The following PRKG1 variants were observed in gnomAD, a reference collection of about 807,000 sequenced individuals.
PRKG1 encodes protein kinase cGMP-dependent 1.
PRKG1 carries 35 observed loss-of-function variants against 88.1 expected under a neutral mutation model. The observed-to-expected ratio is 0.40, with a 90% confidence interval of 0.30 to 0.53. The LOEUF is 0.53. Ranked by LOEUF, PRKG1 falls within the 20% of genes least tolerant of loss-of-function variation. The pLI, the probability that PRKG1 is intolerant of heterozygous loss-of-function variation, is 0.59. For missense variants in PRKG1, 540 were observed against 839.8 expected, an observed-to-expected ratio of 0.64 and a Z score of 4.41; for synonymous variants, 303 against 292.5, an observed-to-expected ratio of 1.04 and a Z score of -0.37.
intron 5 of PRKG1, among the ~76,000 whole-genome samples, chr10:51,935,662 C>T (rs907956318): frequency 1.1e-4 from 16 of 152,036 alleles, no homozygotes; most frequent in African/African-American, 3.6e-4. Context: ...TAATATGTGT[C>T]CTCTCTTGGG....
At chr10:51,669,688 C>A (rs749721698) in intron 3 of PRKG1, among the ~76,000 whole-genome samples, 2 of 152,102 alleles carry the variant, frequency 1.3e-5, no homozygotes, top group Non-Finnish European at 2.9e-5. Context: ...ATCTATTTTG[C>A]CCCCAGTTAA....
intron 1 of PRKG1, among the ~76,000 whole-genome samples, chr10:51,144,728 A>C (rs1039661921): frequency 1.3e-5 from 2 of 152,158 alleles, no homozygotes; most frequent in African/African-American, 4.8e-5. Flanking sequence ...ACGCAAAACA[A>C]TGGTTGGAGG....
At chr10:52,061,892 G>A (rs780710676) in intron 6 of PRKG1, among the ~76,000 whole-genome samples, 8 of 152,064 alleles carry the variant, frequency 5.3e-5, no homozygotes, top group African/African-American at 9.7e-5. Context: ...CAGGGAAAGG[G>A]ACAGGCGTAT....
rs191719440 is a variant in PRKG1, at chr10:51,864,682, G to A, written c.699-42825G>A. Among the ~76,000 whole-genome samples, 85 of 152,168 alleles carry A rather than the reference G, an allele frequency of 5.6e-4. 1 individual carries two copies. The South Asian group carries it at 9.7e-3, about 17-fold the overall frequency. The stretch of plus-strand genomic sequence containing the variant: ...AGTAGGTTGGGTATTATGACATGTT[G>A]GTGTCTGAACAGAAAGTTTATATTT... On this transcript the variant is annotated intron_variant, in intron 4 of 17. Coordinates refer to ENST00000373980, the MANE Select transcript of PRKG1 (RefSeq NM_006258.4).
chr10:51,103,010 C>A (rs1013271654), intron 1 of PRKG1, among the ~76,000 whole-genome samples: 8 of 151,864 alleles, frequency 5.3e-5, no homozygotes, highest in African/African-American at 1.9e-4. Flanking sequence ...GAAAAACTGG[C>A]AGAGCACAAA....
At chr10:51,997,201 G>A (rs1339187642) in intron 5 of PRKG1, among the ~76,000 whole-genome samples, 2 of 151,954 alleles carry the variant, frequency 1.3e-5, no homozygotes, top group South Asian at 2.1e-4. Flanking sequence ...AGCTGGGCGC[G>A]GTGGCTCACA....
intron 2 of PRKG1, among the ~76,000 whole-genome samples, chr10:51,269,562 C>T (rs1839924126): frequency 6.6e-6 from 1 of 152,114 alleles, no homozygotes; most frequent in South Asian, 2.1e-4. Context: ...ATGGCATTTG[C>T]AGCAACTTGG....
chr10:51,397,083 T>A (rs546104656), intron 2 of PRKG1, among the ~76,000 whole-genome samples: 2 of 152,178 alleles, frequency 1.3e-5, no homozygotes, highest in East Asian at 1.9e-4. Context: ...CTGTTTTGAT[T>A]TTTTTTAAAT....
intron 2 of PRKG1, among the ~76,000 whole-genome samples, chr10:51,272,798 G>C (rs1840015912): frequency 6.6e-6 from 1 of 152,060 alleles, no homozygotes; most frequent in Non-Finnish European, 1.5e-5. Context: ...GTCTCCCTGG[G>C]GAATCTCCTC....
intron 2 of PRKG1, among the ~76,000 whole-genome samples, chr10:51,380,169 C>G (rs1046256405): frequency 6.6e-6 from 1 of 152,140 alleles, no homozygotes; most frequent in Non-Finnish European, 1.5e-5. Flanking sequence ...GCATTGACCT[C>G]TATTTACAGA....
At chr10:51,428,840 A>G (rs1367457572) in intron 2 of PRKG1, among the ~76,000 whole-genome samples, 4 of 152,222 alleles carry the variant, frequency 2.6e-5, no homozygotes, top group Non-Finnish European at 5.9e-5. Context: ...GCCTGACAGC[A>G]TGGTCCTGGT....
intron 9 of PRKG1, among the ~76,000 whole-genome samples, chr10:52,236,494 G>A (rs1396697979): frequency 1.6e-3 from 78 of 48,680 alleles, no homozygotes; most frequent in African/African-American, 7.9e-3. Context: ...TATCACCACC[G>A]ATCCCACAGA....
At position 51,758,132 on chromosome 10, in the gene PRKG1, GA is replaced by G. The variant is rs35693168; in HGVS notation, c.593-46444del. ...AGCCTAGGATGTAGGAAACAGTCTAGAAAAAAAAATTTAAACTATGTGCTTA... is the reference window on the plus strand; with the variant it reads ...AGCCTAGGATGTAGGAAACAGTCTAGAAAAAAAATTTAAACTATGTGCTTA... On this transcript the variant is annotated intron_variant, in intron 3 of 17. Coordinates refer to ENST00000373980, the MANE Select transcript of PRKG1 (RefSeq NM_006258.4). 2.7e-3 allele frequency among the ~76,000 whole-genome samples: 402 copies of G among 151,684 alleles called. 2 individuals are homozygous for G. Among genetic ancestry groups the G allele is most frequent in the Middle Eastern group, 6.8e-3 (2 of 294 alleles).
chr10:51,781,359 T>C (rs1838584191), intron 3 of PRKG1, among the ~76,000 whole-genome samples: 1 of 152,134 alleles, frequency 6.6e-6, no homozygotes, highest in Admixed American at 6.6e-5. Context: ...TTTCGTGTTA[T>C]GTTGTCATTT....
intron 5 of PRKG1, among the ~76,000 whole-genome samples, chr10:51,926,847 T>G (rs11000162): frequency 0.065 from 7,937 of 122,948 alleles, 369 homozygotes; most frequent in African/African-American, 0.16. Flanking sequence ...TCAGCAATTC[T>G]GCCATACCTT....
At chr10:51,277,217 C>G (rs929691596) in intron 2 of PRKG1, among the ~76,000 whole-genome samples, 2 of 152,010 alleles carry the variant, frequency 1.3e-5, no homozygotes, top group Admixed American at 6.6e-5. Context: ...ATTAAATAGG[C>G]AATCCTTTCC....
chr10:51,605,416 C>A (rs560811757), intron 3 of PRKG1, among the ~76,000 whole-genome samples: 2 of 152,300 alleles, frequency 1.3e-5, no homozygotes, highest in East Asian at 3.9e-4. Context: ...ATCACTGTTA[C>A]ACACCTTACA....
At chr10:51,148,916 C>T (rs998055803) in intron 1 of PRKG1, among the ~76,000 whole-genome samples, 1 of 151,734 alleles carries the variant, frequency 6.6e-6, no homozygotes, top group Admixed American at 6.6e-5. Flanking sequence ...TTTTATAGTC[C>T]TTCACTGGTG....
At chr10:52,173,440 T>A (rs1275579245) in intron 9 of PRKG1, among the ~76,000 whole-genome samples, 1 of 152,192 alleles carries the variant, frequency 6.6e-6, no homozygotes, top group East Asian at 1.9e-4. Flanking sequence ...TATACTAATA[T>A]TTCCCCCATG....
Sources: allele counts gnomAD v4.1 joint callset (sites outside exome capture counted in the v4.1 genomes callset), GRCh38; gene constraint gnomAD v4.1.1; transcripts MANE v1.5; gene names NCBI Gene and HGNC (gene_info 2026-07-23, HGNC 2026-07-21).